Variants in KIF26A observed in about 807,000 individuals in gnomAD.
KIF26A encodes the protein kinesin-like protein KIF26A.
A neutral mutation model predicts 126.0 loss-of-function variants in KIF26A; 74 were observed. That is an observed-to-expected ratio of 0.59 (90% CI 0.49 to 0.71). The LOEUF is 0.71. Ranked by LOEUF, KIF26A falls within the 30% of genes least tolerant of loss-of-function variation. KIF26A has a pLI of 0.00. For synonymous variants in KIF26A, 1,445 were observed against 1,232.7 expected (o/e 1.17, Z -3.61); for missense variants, 2,984 against 2,763.3 (o/e 1.08, Z -1.79).
intron 12 of KIF26A, 40 bp downstream of exon 12, chr14:104,177,938 T>C (rs1371252472): frequency 6.9e-7 from 1 of 1,454,910 alleles, no homozygotes; most frequent in African/African-American, 1.4e-5. Flanking sequence ...GTTTACGGGC[T>C]TTCTGTGTGT....
chr14:104,150,038 T>C (rs2141093321), intron 2 of KIF26A, among the ~76,000 whole-genome samples: 2 of 152,240 alleles, frequency 1.3e-5, no homozygotes. Context: ...GGGTTCTACA[T>C]GTAGACCTGT....
Position 104,179,980 on chromosome 14 carries a change from AGG to A in KIF26A, c.*192_*193del, listed in dbSNP as rs1318313040. The A allele has an allele frequency of 1.4e-5, 8 of 582,880 alleles. No individual in the cohort carries two copies. In the South Asian group the frequency reaches 2.3e-4, roughly 17 times the overall value. The allele number at this position is 582,880 out of a possible 1,614,324, so 36.1% of individuals were successfully genotyped here. On this transcript the variant is annotated 3_prime_UTR_variant, in exon 15 of 15. Transcript: ENST00000423312. The stretch of plus-strand genomic sequence containing the variant: ...ACGCGGTGGACAGAGCGAGGGTGCC[AGG>A]GTGACCAGAAGACCGTCACCACCCG...
chr14:104,161,023 G>T (rs2037828098), intron 4 of KIF26A, among the ~76,000 whole-genome samples: 1 of 117,036 alleles, frequency 8.5e-6, no homozygotes, highest in African/African-American at 3.8e-5. Context: ...CCTGCGGGGA[G>T]AGTGCGCTGC....
chr14:104,179,640 G>T lies in KIF26A; in HGVS notation c.5499G>T (p.Ser1833=). ...TGGACCCGGAGCTGGAGCCCGAGTC[G>T]GCCGAGTACCTGGCGGCCCTGGAGC... ...FEVDPELEPE[S]AEYLAALERA... is the part of the protein sequence containing the mutation. Residue 1833 remains serine, a synonymous_variant, in exon 15 of 15, where the codon TCG becomes TCT. Transcript: ENST00000423312. 1.3e-6 allele frequency: 2 copies of T among 1,542,600 alleles called. No individual in the cohort carries two copies. The highest frequency in any genetic ancestry group is 1.7e-6 in the Non-Finnish European group (2 of 1,142,966).
chr14:104,180,104 C>T lies in KIF26A; in HGVS notation c.*314C>T, dbSNP rs765852708. 3.0e-5 allele frequency: 9 copies of T among 301,722 alleles called. No individual in the cohort carries two copies. In the East Asian group the frequency reaches 4.0e-4, roughly 14 times the overall value. The allele number at this position is 301,722 out of a possible 1,614,324, so 18.7% of individuals were successfully genotyped here. A position where few individuals can be genotyped will look rare whatever the true frequency, so the allele number is the denominator to read the frequency against. ...ACACCAGCAGAAGTTGTGTTCAGCC[C>T]GGCCCCGCTGCGCCTGTCCGGGCCG... On this transcript the variant is annotated 3_prime_UTR_variant, in exon 15 of 15. Coordinates refer to ENST00000423312, the MANE Select transcript of KIF26A (RefSeq NM_015656.2).
chr14:104,172,344 G>A (rs1046650961), intron 6 of KIF26A, among the ~76,000 whole-genome samples: 2 of 152,250 alleles, frequency 1.3e-5, no homozygotes, highest in Non-Finnish European at 2.9e-5. Flanking sequence ...TGGGCTTTGC[G>A]GGTGTGTGTC....
rs778195944 is a variant in KIF26A at position 104,177,841 on chromosome 14, G to T, written c.5053G>T (p.Ala1685Ser). 1.9e-6 allele frequency: 3 copies of T among 1,566,434 alleles called. No individual in the cohort carries two copies. The Admixed American group carries it at 5.3e-5, about 28-fold the overall frequency. Residue 1685 changes from alanine to serine, a missense_variant, in exon 12 of 15, where the codon GCT (alanine) becomes TCT (serine). Ala to Ser is a moderately conservative substitution (Grantham distance 99). Coordinates refer to ENST00000423312, the MANE Select transcript of KIF26A (RefSeq NM_015656.2). ...CCCTGACTCCATGAGCGAGAGTGGG[G>T]CTGCCTCCCCAGGCGCCCGCACCCG... The part of the protein sequence containing the change: ...SAPDSMSESG[A>S]ASPGARTRSL...
chr14:104,178,651 C>A lies in KIF26A; in HGVS notation c.5212C>A (p.Leu1738Met), dbSNP rs767975397. 2.8e-5 allele frequency: 43 copies of A among 1,555,070 alleles called. No individual in the cohort carries two copies. The highest frequency in any genetic ancestry group is 3.5e-5 in the Non-Finnish European group (40 of 1,150,104). ...PGQWVDLPPP[L>M]AGSLKEPFEI... The stretch of plus-strand genomic sequence containing the variant: ...GCAGTGGGTGGACCTGCCCCCGCCC[C>A]TGGCTGGCTCCCTGAAGGAGCCGTT... Residue 1738 changes from leucine to methionine, a missense_variant, in exon 13 of 15, where the codon CTG (leucine) becomes ATG (methionine). Coordinates refer to ENST00000423312, the MANE Select transcript of KIF26A (RefSeq NM_015656.2).
intron 9 of KIF26A, 26 bp downstream of exon 9, chr14:104,173,539 G>C (rs1230631334): frequency 1.3e-6 from 2 of 1,524,084 alleles, no homozygotes; most frequent in African/African-American, 2.7e-5. Flanking sequence ...GCACTCCCGG[G>C]CCCCTGTGGG....
In KIF26A at chr14:104,176,094, C is replaced by T. The variant is rs371186082; in HGVS notation, c.3306C>T (p.Ala1102=). The part of the protein sequence containing the change: ...EGGPLEGAAW[A]GSSHGSSISS... The stretch of plus-strand genomic sequence containing the variant: ...GGCCCCTGGAGGGGGCAGCCTGGGC[C>T]GGCAGCAGTCACGGCTCCTCCATCA... The change falls in exon 12 of 15, where the codon GCC becomes GCT. Residue 1102 remains alanine, a synonymous_variant. Transcript: ENST00000423312. 3.8e-4 allele frequency: 605 copies of T among 1,587,176 alleles called. 2 individuals are homozygous for T. The African/African-American group carries it at 7.2e-3, about 19-fold the overall frequency.
intron 2 of KIF26A, among the ~76,000 whole-genome samples, chr14:104,146,791 G>A (rs1416055825): frequency 2.6e-5 from 4 of 152,182 alleles, no homozygotes; most frequent in Non-Finnish European, 4.4e-5. Context: ...CATGTGAAAA[G>A]CCCCGAGATG....
At position 104,139,594 on chromosome 14, in the gene KIF26A, G is replaced by A. The variant is rs542582861; in HGVS notation, c.288+306G>A. Among the ~76,000 whole-genome samples, 363 of 152,300 alleles carry A rather than the reference G, an allele frequency of 2.4e-3. 2 individuals carry two copies. The highest frequency in any genetic ancestry group is 7.4e-3 in the Admixed American group (113 of 15,304). On this transcript the variant is annotated intron_variant, in intron 2 of 14. Coordinates refer to ENST00000423312, the MANE Select transcript of KIF26A (RefSeq NM_015656.2). ...TTGTGTGGGAGGAGGAGGGGAGAGA[G>A]CGGATGGCAGGGACTCCACCCAGGG...
chr14:104,173,806 C>T lies in KIF26A; in HGVS notation c.1968C>T (p.Ser656=). 1 of 1,604,226 alleles carries T rather than the reference C, an allele frequency of 6.2e-7. No homozygotes were observed. The highest frequency in any genetic ancestry group is 8.5e-7 in the Non-Finnish European group (1 of 1,179,386). Residue 656 remains serine, a synonymous_variant, in exon 10 of 15, where the codon TCC becomes TCT. Coordinates refer to ENST00000423312, the MANE Select transcript of KIF26A (RefSeq NM_015656.2). ...GEAAGGPLCL[S]LSALGSVILA... is the part of the protein sequence containing the mutation. ...CTGCTGGGGGTCCCCTGTGTCTGTC[C>T]CTGTCGGCCCTGGGCAGCGTCATCT...
rs201972367 is a variant in KIF26A, at chr14:104,157,926, G to T, written c.907G>T (p.Ala303Ser). 1.6e-5 allele frequency: 25 copies of T among 1,515,288 alleles called. No homozygotes were observed. Among genetic ancestry groups the T allele is most frequent in the Non-Finnish European group, 2.0e-5 (23 of 1,131,008 alleles). 93.9% of individuals were successfully genotyped at this position (1,515,288 alleles called of 1,614,324 possible). The change falls in exon 4 of 15, where the codon GCC (alanine) becomes TCC (serine). Residue 303 changes from alanine to serine, a missense_variant. Coordinates refer to ENST00000423312, the MANE Select transcript of KIF26A (RefSeq NM_015656.2). ...GGGCTCCACAGGCCCCTCAGCTGCA[G>T]CCTCCTTCTTCATAAGGTATGTCCT... Reference protein sequence around the residue: ...VGGSTGPSAAASFFIRAMQKL... With the variant: ...VGGSTGPSAASSFFIRAMQKL...
In KIF26A at chr14:104,175,274, G is replaced by A; in HGVS notation, c.2486G>A (p.Gly829Asp). 5 of 1,606,266 alleles carry A rather than the reference G, an allele frequency of 3.1e-6. No homozygotes were observed. The highest frequency in any genetic ancestry group is 4.2e-6 in the Non-Finnish European group (5 of 1,179,610). ...PALSRHRPSK[G>D]PRDADHFRCS... The stretch of plus-strand genomic sequence containing the variant: ...CTGAGCCGCCACCGGCCCTCCAAGG[G>A]TCCCCGAGACGCAGACCACTTCCGC... The change falls in exon 12 of 15, where the codon GGT becomes GAT. Residue 829 changes from glycine (G) to aspartate (D), a missense_variant. By Grantham distance (94) the Gly-to-Asp change is moderately conservative. Coordinates refer to ENST00000423312, the MANE Select transcript of KIF26A (RefSeq NM_015656.2).
intron 4 of KIF26A, among the ~76,000 whole-genome samples, chr14:104,165,737 GCATATGTGTGTCTGTGTTTCTGTA>G (rs2037889581): frequency 6.6e-6 from 1 of 151,536 alleles, no homozygotes; most frequent in Non-Finnish European, 1.5e-5. Context: ...GTTTCTGTAT[GCATATGTGTGTCTGTGTTTCTGTA>G]TGCATGTGTG....
intron 5 of KIF26A, among the ~76,000 whole-genome samples, chr14:104,168,308 G>A (rs2037925780): frequency 1.3e-5 from 2 of 152,324 alleles, no homozygotes; most frequent in Admixed American, 6.5e-5. Flanking sequence ...TGCCCGCCCG[G>A]TGATGTAGCG....
intron 4 of KIF26A, among the ~76,000 whole-genome samples, chr14:104,163,712 G>T (rs938227637): frequency 1.3e-5 from 2 of 151,750 alleles, no homozygotes; most frequent in African/African-American, 4.8e-5. Context: ...CGCGGCACGG[G>T]GCGGCCATGG....
chr14:104,175,196 G>T lies in KIF26A; in HGVS notation c.2408G>T (p.Arg803Leu). Residue 803 changes from arginine (R) to leucine (L), a missense_variant, in exon 12 of 15, where the codon CGG becomes CTG. Arg to Leu is a moderately radical substitution (Grantham distance 102). Transcript: ENST00000423312. ...CCCGGTGGGGCGGCGCTGTCAGACC[G>T]GGAGCTCACCGACAACGAAGGTCCG... is the stretch of plus-strand genomic sequence containing the variant. ...VGPGGAALSD[R>L]ELTDNEGPPD... 6.2e-7 allele frequency: 1 copy of T among 1,609,212 alleles called. No individual in the cohort carries two copies. Among genetic ancestry groups the T allele is most frequent in the Non-Finnish European group, 8.5e-7 (1 of 1,178,902 alleles).
Sources: allele counts gnomAD v4.1 joint callset (sites outside exome capture counted in the v4.1 genomes callset), GRCh38; gene constraint gnomAD v4.1.1; transcripts MANE v1.5; gene names NCBI Gene and HGNC (gene_info 2026-07-23, HGNC 2026-07-21).